The following RBFOX1 variants were observed in gnomAD, a reference collection of about 807,000 sequenced individuals.
The protein encoded by RBFOX1 is RNA binding protein fox-1 homolog 1.
In RBFOX1, 8 loss-of-function variants were observed where a neutral mutation model predicts 57.7. The observed-to-expected ratio is 0.14, with a 90% CI of 0.08 to 0.25. The LOEUF is 0.25. RBFOX1 is among the 10% of genes least tolerant of loss of function. The pLI, the probability that RBFOX1 is intolerant of heterozygous loss-of-function variation, is 1.00. For synonymous variants in RBFOX1, 326 were observed against 222.4 expected (o/e 1.47, Z -4.15); for missense variants, 611 against 548.5 (o/e 1.11, Z -1.14).
chr16:7,192,398 A>AG (rs2085627715), intron 4 of RBFOX1, among the ~76,000 whole-genome samples: 1 of 152,194 alleles, frequency 6.6e-6, no homozygotes, highest in South Asian at 2.1e-4. Context: ...GTGTTTGCTT[A>AG]GGAGCTTTAG....
intron 1 of RBFOX1, among the ~76,000 whole-genome samples, chr16:6,171,657 C>T (rs188459959): frequency 4.6e-5 from 7 of 152,214 alleles, no homozygotes; most frequent in African/African-American, 1.7e-4. Context: ...TTTTAGGTCC[C>T]AGCCTGGCCT....
intron 3 of RBFOX1, among the ~76,000 whole-genome samples, chr16:6,823,286 T>A (rs2091627746): frequency 6.6e-6 from 1 of 152,006 alleles, no homozygotes; most frequent in African/African-American, 2.4e-5. Context: ...AGAAAGAGTC[T>A]TGCTCTGTCA....
In RBFOX1 at chr16:6,296,570, A is replaced by G. The variant is rs569940412; in HGVS notation, c.-126-20425A>G. Among the ~76,000 whole-genome samples the G allele has an allele frequency of 3.9e-5, 6 of 151,960 alleles. No individual in the cohort carries two copies. The East Asian group carries it at 9.8e-4, about 25-fold the overall frequency. The stretch of plus-strand genomic sequence containing the variant: ...CGTGTAGCTGGGACTACAGGCGTCC[A>G]CCACCACACCTGGCTAATCTTTTAT... On this transcript the variant is annotated intron_variant, in intron 1 of 15. Coordinates refer to ENST00000550418, the MANE Select transcript of RBFOX1 (RefSeq NM_018723.4).
At chr16:5,377,252 C>T (rs566240407) in intron 1 of RBFOX1, among the ~76,000 whole-genome samples, 4 of 151,496 alleles carry the variant, frequency 2.6e-5, no homozygotes, top group South Asian at 2.1e-4. Context: ...GAATGGGCTA[C>T]GAGGAGTAGG....
chr16:5,948,559 T>G (rs2059451612), intron 4 of RBFOX1, among the ~76,000 whole-genome samples: 1 of 152,164 alleles, frequency 6.6e-6, no homozygotes, highest in African/African-American at 2.4e-5. Context: ...ACTGGTCTCC[T>G]TAAAAGAAGA....
At chr16:6,718,340 A>T (rs968392485) in intron 3 of RBFOX1, among the ~76,000 whole-genome samples, 6 of 152,208 alleles carry the variant, frequency 3.9e-5, no homozygotes, top group Admixed American at 1.3e-4. Context: ...TACAACTTGT[A>T]TATTTTAGTG....
chr16:7,617,526 A>C (rs1184938906), intron 10 of RBFOX1, among the ~76,000 whole-genome samples: 1 of 152,138 alleles, frequency 6.6e-6, no homozygotes, highest in African/African-American at 2.4e-5. Context: ...TGGTTTTTTA[A>C]ATTGCACAGC....
chr16:5,885,055 C>G (rs2057863871), intron 4 of RBFOX1, among the ~76,000 whole-genome samples: 2 of 152,092 alleles, frequency 1.3e-5, no homozygotes, highest in South Asian at 4.1e-4. Flanking sequence ...GTCTCTGAGG[C>G]CAGATGGTCT....
chr16:7,315,625 C>A (rs944759318), intron 4 of RBFOX1, among the ~76,000 whole-genome samples: 4 of 145,612 alleles, frequency 2.7e-5, no homozygotes, highest in African/African-American at 1.0e-4. Flanking sequence ...CTTTTATAGC[C>A]TTCCTGAAAA....
intron 2 of RBFOX1, among the ~76,000 whole-genome samples, chr16:6,560,808 C>T (rs1005991869): frequency 2.0e-5 from 3 of 152,188 alleles, no homozygotes; most frequent in African/African-American, 7.2e-5. Flanking sequence ...GGCTGGAGTA[C>T]TGTCTGACTT....
chr16:6,651,566 A>G (rs138605494), intron 2 of RBFOX1, among the ~76,000 whole-genome samples: 11 of 152,310 alleles, frequency 7.2e-5, no homozygotes, highest in Admixed American at 5.9e-4. Flanking sequence ...ACAAGTGCCC[A>G]TGAGGATGTG....
intron 2 of RBFOX1, among the ~76,000 whole-genome samples, chr16:6,649,347 T>G (rs2098557946): frequency 1.3e-5 from 2 of 152,212 alleles, no homozygotes; most frequent in Admixed American, 6.5e-5. Context: ...TCTTCCTTGA[T>G]GGACACTTAG....
At chr16:6,465,563 C>G (rs193205472) in intron 2 of RBFOX1, among the ~76,000 whole-genome samples, 10 of 151,746 alleles carry the variant, frequency 6.6e-5, no homozygotes, top group Admixed American at 3.3e-4. Context: ...AGTGTACATT[C>G]AGATCAGAGT....
chr16:6,386,970 T>C (rs541607217), intron 2 of RBFOX1, among the ~76,000 whole-genome samples: 2 of 152,284 alleles, frequency 1.3e-5, no homozygotes, highest in South Asian at 2.1e-4. Context: ...GGGGTAGTTA[T>C]TGATTCCGCA....
intron 3 of RBFOX1, among the ~76,000 whole-genome samples, chr16:5,615,958 T>C (rs575616880): frequency 9.2e-5 from 14 of 152,302 alleles, no homozygotes; most frequent in African/African-American, 3.4e-4. Context: ...CCCTCTGAAG[T>C]TGGGCTGAGA....
At chr16:6,941,499 C>G (rs563270757) in intron 3 of RBFOX1, among the ~76,000 whole-genome samples, 1 of 152,016 alleles carries the variant, frequency 6.6e-6, no homozygotes, top group Non-Finnish European at 1.5e-5. Context: ...TCTATTCTTT[C>G]TTCCCAGTAA....
chr16:5,242,805 G>C (rs1310199992), intron 1 of RBFOX1, among the ~76,000 whole-genome samples: 1 of 152,072 alleles, frequency 6.6e-6, no homozygotes, highest in Non-Finnish European at 1.5e-5. Context: ...GGATGGCTGA[G>C]GTTTTAATGT....
At chr16:6,528,759 C>T (rs914091781) in intron 2 of RBFOX1, among the ~76,000 whole-genome samples, 2 of 152,142 alleles carry the variant, frequency 1.3e-5, no homozygotes, top group Non-Finnish European at 2.9e-5. Context: ...GTCCTGTACA[C>T]TCTACGATGG....
Position 7,018,866 on chromosome 16 carries a change from C to G in RBFOX1, c.-15-33191C>G, listed in dbSNP as rs574444398. Among the ~76,000 whole-genome samples the G allele has an allele frequency of 8.5e-5, 13 of 152,054 alleles. No homozygotes were observed. In the East Asian group the frequency reaches 1.4e-3, roughly 16 times the overall value. On this transcript the variant is annotated intron_variant, in intron 3 of 15. Transcript: ENST00000550418. ...AGGTGCAGTGGCTGACGACTGTAATCTCAGCACATTGGGAGGCCAAAGTGG... is the reference window on the plus strand; with the variant it reads ...AGGTGCAGTGGCTGACGACTGTAATGTCAGCACATTGGGAGGCCAAAGTGG...
Sources: gnomAD v4.1 joint callset for allele counts (sites outside exome capture counted in the v4.1 genomes callset) on GRCh38, gnomAD v4.1.1 for gene constraint, MANE v1.5 for transcripts, NCBI Gene and HGNC (gene_info 2026-07-23, HGNC 2026-07-21) for gene names.